Variants in PPM1E observed in about 807,000 individuals in gnomAD.
PPM1E encodes the protein protein phosphatase, Mg2+/Mn2+ dependent 1E.
PPM1E carries 20 observed loss-of-function variants against 65.9 expected under a neutral mutation model. The ratio of observed to expected loss-of-function variants is 0.30; its 90% CI spans 0.21 to 0.44. The LOEUF (loss-of-function observed/expected upper bound fraction) is 0.44, where lower values mean the gene tolerates loss of function less well. PPM1E is among the 20% of genes least tolerant of loss of function. The pLI is 1.00. For missense variants in PPM1E, 713 were observed against 953.1 expected (o/e 0.75, Z 3.32); for synonymous variants, 352 against 374.9 (o/e 0.94, Z 0.70).
At position 58,834,014 on chromosome 17, in the gene PPM1E, G is replaced by A. The variant is rs535109016; in HGVS notation, c.464+77553G>A. 3.4e-4 allele frequency among the ~76,000 whole-genome samples: 52 copies of A among 152,116 alleles called. 1 individual carries two copies. In the Middle Eastern group the frequency reaches 0.017, roughly 50 times the overall value. On this transcript the variant is annotated intron_variant, in intron 1 of 6. Transcript: ENST00000308249. ...GATTAGTGATGTGGAGCATTTTTTC[G>A]TGTTCATTGGCCAGATGTATGTCTT...
intron 1 of PPM1E, among the ~76,000 whole-genome samples, chr17:58,769,897 C>T: frequency 6.6e-6 from 1 of 151,888 alleles, no homozygotes; most frequent in East Asian, 1.9e-4. Context: ...CATGGTGGTG[C>T]ACACTTGTAG....
intron 1 of PPM1E, among the ~76,000 whole-genome samples, chr17:58,776,617 G>A (rs1392592381): frequency 6.6e-6 from 1 of 152,036 alleles, no homozygotes; most frequent in Non-Finnish European, 1.5e-5. Flanking sequence ...TCACCAAATA[G>A]TTTATTTTAG....
At chr17:58,807,028 C>T (rs1237345307) in intron 1 of PPM1E, among the ~76,000 whole-genome samples, 2 of 151,936 alleles carry the variant, frequency 1.3e-5, no homozygotes, top group Non-Finnish European at 2.9e-5. Context: ...CTACTTCATA[C>T]TCTGTCATGG....
Position 58,982,779 on chromosome 17 carries a change from A to C in PPM1E, c.*1748A>C. 1.4e-6 allele frequency: 1 copy of C among 713,720 alleles called. No individual in the cohort carries two copies. Among genetic ancestry groups the C allele is most frequent in the Non-Finnish European group, 2.3e-6 (1 of 440,336 alleles). The allele number at this position is 713,720 out of a possible 1,614,324, so 44.2% of individuals were successfully genotyped here. ...TGTGACAAATGGTTGAAAAGGAGTC[A>C]ACATGGCCCCAACTATAGTGCCGGA... On this transcript the variant is annotated 3_prime_UTR_variant, in exon 7 of 7. Coordinates refer to ENST00000308249, the MANE Select transcript of PPM1E (RefSeq NM_014906.5).
chr17:58,908,364 C>G (rs897053864), intron 1 of PPM1E, among the ~76,000 whole-genome samples: 8 of 151,948 alleles, frequency 5.3e-5, no homozygotes, highest in Admixed American at 5.2e-4. Flanking sequence ...CAGGCATGAG[C>G]CACCCGGCCT....
At chr17:58,907,919 GT>G (rs1414405888) in intron 1 of PPM1E, among the ~76,000 whole-genome samples, 1 of 151,580 alleles carries the variant, frequency 6.6e-6, no homozygotes, top group Non-Finnish European at 1.5e-5. Context: ...GTTGGGTCTT[GT>G]TTTTTTAATC....
At chr17:58,855,104 C>G (rs2050868109) in intron 1 of PPM1E, among the ~76,000 whole-genome samples, 1 of 152,134 alleles carries the variant, frequency 6.6e-6, no homozygotes, top group African/African-American at 2.4e-5. Flanking sequence ...CCTCCAAGAG[C>G]TCTATCAAAT....
intron 1 of PPM1E, among the ~76,000 whole-genome samples, chr17:58,864,069 C>T (rs2050972952): frequency 6.6e-6 from 1 of 150,968 alleles, no homozygotes; most frequent in Non-Finnish European, 1.5e-5. Flanking sequence ...TATTTCCCTG[C>T]CTTCTGTCCA....
intron 1 of PPM1E, among the ~76,000 whole-genome samples, chr17:58,932,321 T>G (rs1437403402): frequency 6.6e-6 from 1 of 151,980 alleles, no homozygotes; most frequent in African/African-American, 2.4e-5. Context: ...ATACAAAAAT[T>G]AGCCGGGGAT....
chr17:58,789,646 A>G (rs1330173689), intron 1 of PPM1E, among the ~76,000 whole-genome samples: 1 of 152,048 alleles, frequency 6.6e-6, no homozygotes, highest in Non-Finnish European at 1.5e-5. Context: ...GCTGCCTGCT[A>G]TTTGAACAAA....
intron 1 of PPM1E, among the ~76,000 whole-genome samples, chr17:58,767,437 T>C (rs1176626323): frequency 6.6e-6 from 1 of 152,176 alleles, no homozygotes; most frequent in African/African-American, 2.4e-5. Flanking sequence ...AAACATTTCC[T>C]ACGGGGAAAA....
chr17:58,765,844 C>A (rs1375368501), intron 1 of PPM1E, among the ~76,000 whole-genome samples: 2 of 150,866 alleles, frequency 1.3e-5, no homozygotes, highest in Non-Finnish European at 2.9e-5. Flanking sequence ...TACCACAAAG[C>A]ACAACCTCTG....
At chr17:58,782,169 A>G (rs1220124273) in intron 1 of PPM1E, among the ~76,000 whole-genome samples, 1 of 152,160 alleles carries the variant, frequency 6.6e-6, no homozygotes, top group Admixed American at 6.5e-5. Context: ...AGGATGGAGA[A>G]TTCTAGAAGG....
At chr17:58,776,395 T>C (rs867458735) in intron 1 of PPM1E, among the ~76,000 whole-genome samples, 1 of 152,188 alleles carries the variant, frequency 6.6e-6, no homozygotes, top group Non-Finnish European at 1.5e-5. Flanking sequence ...CAGAAGCTGT[T>C]AGAACACATA....
intron 1 of PPM1E, among the ~76,000 whole-genome samples, chr17:58,913,605 A>G (rs1179800213): frequency 6.6e-6 from 1 of 152,154 alleles, no homozygotes; most frequent in Non-Finnish European, 1.5e-5. Flanking sequence ...AAATTCAGAG[A>G]TTAGGGTTTT....
chr17:58,763,497 T>C (rs1366205537), intron 1 of PPM1E, among the ~76,000 whole-genome samples: 1 of 152,124 alleles, frequency 6.6e-6, no homozygotes, highest in East Asian at 1.9e-4. Context: ...GAAACAACTC[T>C]ACACTATGGA....
chr17:58,858,466 C>T (rs953648317), intron 1 of PPM1E, among the ~76,000 whole-genome samples: 2 of 152,010 alleles, frequency 1.3e-5, no homozygotes, highest in African/African-American at 2.4e-5. Flanking sequence ...CTTTCTTTCT[C>T]CTACCCTTCT....
chr17:58,846,630 A>G (rs913952783), intron 1 of PPM1E, among the ~76,000 whole-genome samples: 1 of 152,152 alleles, frequency 6.6e-6, no homozygotes, highest in Non-Finnish European at 1.5e-5. Context: ...ATAGTATTCC[A>G]TGGTGTATAT....
chr17:58,759,915 T>C (rs2049806463), intron 1 of PPM1E, among the ~76,000 whole-genome samples: 1 of 152,222 alleles, frequency 6.6e-6, no homozygotes, highest in Non-Finnish European at 1.5e-5. Flanking sequence ...AATGGAAAAA[T>C]ATATGGATTC....
Sources: allele counts gnomAD v4.1 joint callset (sites outside exome capture counted in the v4.1 genomes callset), GRCh38; gene constraint gnomAD v4.1.1; transcripts MANE v1.5; gene names NCBI Gene and HGNC (gene_info 2026-07-23, HGNC 2026-07-21).